LSAMP: variants seen among roughly 807,000 people sequenced by gnomAD.
The protein encoded by LSAMP is limbic system-associated membrane protein.
In LSAMP, 7 loss-of-function variants were observed where a neutral mutation model predicts 38.6. That is an observed-to-expected ratio of 0.18 (90% CI 0.10 to 0.34). The LOEUF (loss-of-function observed/expected upper bound fraction) is 0.34, where lower values mean the gene tolerates loss of function less well. Among genes scored for constraint, LSAMP ranks in the 10% least tolerant of loss-of-function variants. The probability of loss-of-function intolerance (pLI) is 1.00; values close to 1 mark genes in which losing one functional copy is unlikely to be tolerated. For synonymous variants in LSAMP, 154 were observed against 166.8 expected, an observed-to-expected ratio of 0.92 and a Z score of 0.59; for missense variants, 313 against 420.0, an observed-to-expected ratio of 0.75 and a Z score of 2.23.
chr3:116,215,086 G>T (rs992063064), intron 1 of LSAMP, among the ~76,000 whole-genome samples: 1 of 152,010 alleles, frequency 6.6e-6, no homozygotes. Context: ...GATACATTGC[G>T]GACGGATGGA....
intron 1 of LSAMP, among the ~76,000 whole-genome samples, chr3:116,391,769 G>C (rs1347536995): frequency 6.6e-6 from 1 of 152,182 alleles, no homozygotes; most frequent in Non-Finnish European, 1.5e-5. Flanking sequence ...GCAGTGACTG[G>C]TGCCCACTTC....
At chr3:116,302,880 A>G (rs2047432234) in intron 1 of LSAMP, among the ~76,000 whole-genome samples, 1 of 152,168 alleles carries the variant, frequency 6.6e-6, no homozygotes, top group South Asian at 2.1e-4. Context: ...GGATATACAA[A>G]ATAGGAAGGA....
chr3:116,291,855 A>G (rs1013212071), intron 1 of LSAMP, among the ~76,000 whole-genome samples: 2 of 152,206 alleles, frequency 1.3e-5, no homozygotes, highest in African/African-American at 4.8e-5. Flanking sequence ...TTCTGGAAAA[A>G]TAATCCTTAA....
chr3:116,408,856 T>C (rs970232798), intron 1 of LSAMP, among the ~76,000 whole-genome samples: 2 of 152,060 alleles, frequency 1.3e-5, no homozygotes, highest in Non-Finnish European at 2.9e-5. Context: ...CCTTCTTTGC[T>C]TTAGTTGTAC....
At chr3:115,842,028 A>G in intron 5 of LSAMP, 35 bp from the exon 6 acceptor site, 1 of 1,579,028 alleles carries the variant, frequency 6.3e-7, no homozygotes, top group Non-Finnish European at 8.6e-7. Flanking sequence ...AGAAAGGATC[A>G]CTGGTGAAGA....
At chr3:116,024,726 A>G (rs1373009947) in intron 2 of LSAMP, among the ~76,000 whole-genome samples, 1 of 151,896 alleles carries the variant, frequency 6.6e-6, no homozygotes, top group Non-Finnish European at 1.5e-5. Context: ...ATCAGGTGGC[A>G]ATTCAAAAAT....
chr3:115,966,178 T>C (rs1263937120), intron 3 of LSAMP, among the ~76,000 whole-genome samples: 1 of 152,228 alleles, frequency 6.6e-6, no homozygotes, highest in East Asian at 1.9e-4. Context: ...TTTCTCCTGT[T>C]GCCAGCCAAA....
chr3:116,157,141 T>C (rs943750658), intron 1 of LSAMP, among the ~76,000 whole-genome samples: 2 of 152,070 alleles, frequency 1.3e-5, no homozygotes, highest in African/African-American at 4.8e-5. Flanking sequence ...AGGGTGGTTC[T>C]AACGACTAGG....
Position 115,842,593 on chromosome 3 carries a change from G to A in LSAMP, c.650-15C>T. The A allele has an allele frequency of 6.2e-7, 1 of 1,612,428 alleles. No homozygotes were observed. The highest frequency in any genetic ancestry group is 2.2e-5 in the East Asian group (1 of 44,784). Reference sequence around the variant, plus strand: ...AGTGGGAGGATCTGTAGGAAGGACAGGCACACAAGTTTACATGAGGGTCGG... The same window carrying A: ...AGTGGGAGGATCTGTAGGAAGGACAAGCACACAAGTTTACATGAGGGTCGG... On this transcript the variant is annotated splice_polypyrimidine_tract_variant and intron_variant, in intron 4 of 6. Coordinates refer to ENST00000490035, the MANE Select transcript of LSAMP (RefSeq NM_002338.5).
intron 1 of LSAMP, among the ~76,000 whole-genome samples, chr3:116,390,390 C>T (rs75370118): frequency 2.6e-5 from 4 of 152,054 alleles, no homozygotes; most frequent in East Asian, 1.9e-4. Flanking sequence ...AAAGCTTGAG[C>T]GGGATCTGCA....
At chr3:116,189,432 T>C (rs1710701562) in intron 1 of LSAMP, among the ~76,000 whole-genome samples, 1 of 152,212 alleles carries the variant, frequency 6.6e-6, no homozygotes, top group African/African-American at 2.4e-5. Context: ...CCTCTGGGTC[T>C]GGATGACATT....
At chr3:116,413,396 T>C (rs1219678147) in intron 1 of LSAMP, among the ~76,000 whole-genome samples, 2 of 152,066 alleles carry the variant, frequency 1.3e-5, no homozygotes, top group Non-Finnish European at 2.9e-5. Context: ...TAAGGACCTA[T>C]TTTATGTTAA....
At chr3:116,183,362 A>G (rs957881807) in intron 1 of LSAMP, among the ~76,000 whole-genome samples, 1 of 151,912 alleles carries the variant, frequency 6.6e-6, no homozygotes, top group Non-Finnish European at 1.5e-5. Context: ...AAAGATATGT[A>G]CAAGTAAGAC....
At chr3:115,911,035 T>C (rs1937122658) in intron 3 of LSAMP, among the ~76,000 whole-genome samples, 1 of 152,216 alleles carries the variant, frequency 6.6e-6, no homozygotes, top group Admixed American at 6.5e-5. Flanking sequence ...CCTGACATGA[T>C]CATTTACACA....
chr3:116,103,651 A>G (rs1258150669), intron 1 of LSAMP, among the ~76,000 whole-genome samples: 1 of 137,506 alleles, frequency 7.3e-6, no homozygotes, highest in African/African-American at 2.8e-5. Flanking sequence ...TTTTGCTCTT[A>G]TGCAGTGTGA....
chr3:116,266,179 G>T (rs572299851), intron 1 of LSAMP, among the ~76,000 whole-genome samples: 17 of 152,186 alleles, frequency 1.1e-4, no homozygotes, highest in Admixed American at 8.5e-4. Flanking sequence ...CACACAAGGG[G>T]AAACTGCAGA....
chr3:116,251,864 T>C (rs1347096191), intron 1 of LSAMP, among the ~76,000 whole-genome samples: 1 of 152,236 alleles, frequency 6.6e-6, no homozygotes, highest in Non-Finnish European at 1.5e-5. Flanking sequence ...TAAATAGAAT[T>C]ATTTGTTAAG....
intron 3 of LSAMP, among the ~76,000 whole-genome samples, chr3:116,019,098 C>T (rs1051780330): frequency 7.5e-6 from 1 of 132,906 alleles, no homozygotes; most frequent in Admixed American, 9.1e-5. Context: ...ACCAAACTGG[C>T]ATGTATTTTA....
At chr3:115,816,778 G>T in intron 6 of LSAMP, 1 of 413,734 alleles carries the variant, frequency 2.4e-6, no homozygotes, top group Non-Finnish European at 4.4e-6. Flanking sequence ...CATTTTAATA[G>T]GAAAGAATAT....
Sources: allele counts gnomAD v4.1 joint callset (sites outside exome capture counted in the v4.1 genomes callset), GRCh38; gene constraint gnomAD v4.1.1; transcripts MANE v1.5; gene names NCBI Gene and HGNC (gene_info 2026-07-23, HGNC 2026-07-21).